Variants in XRRA1 observed in about 807,000 individuals in gnomAD.
XRRA1 encodes the protein X-ray radiation resistance associated 1.
XRRA1 carries 69 observed loss-of-function variants against 80.2 expected under a neutral mutation model. That is an observed-to-expected ratio of 0.86 (90% CI 0.71 to 1.05). The LOEUF (loss-of-function observed/expected upper bound fraction) is 1.05, where lower values mean the gene tolerates loss of function less well. Ranked by LOEUF, XRRA1 falls within the 50% of genes least tolerant of loss-of-function variation. XRRA1 has a pLI of 0.00. For missense variants in XRRA1, 967 were observed against 976.4 expected, an observed-to-expected ratio of 0.99 and a Z score of 0.13; for synonymous variants, 348 against 389.9, an observed-to-expected ratio of 0.89 and a Z score of 1.27.
intron 13 of XRRA1, among the ~76,000 whole-genome samples, chr11:74,851,683 T>C (rs936096751): frequency 1.3e-5 from 2 of 152,138 alleles, no homozygotes; most frequent in Non-Finnish European, 2.9e-5. Context: ...TCATACAGGA[T>C]TTAAAGAATT....
At chr11:74,909,611 T>C (rs1591320276) in intron 8 of XRRA1, among the ~76,000 whole-genome samples, 1 of 152,092 alleles carries the variant, frequency 6.6e-6, no homozygotes, top group East Asian at 1.9e-4. Context: ...AGCCATCAGA[T>C]GGGTGAGAAG....
At position 74,882,792 on chromosome 11, in the gene XRRA1, G is replaced by A. The variant is rs530536425; in HGVS notation, c.1004-19771C>T. Among the ~76,000 whole-genome samples the A allele has an allele frequency of 2.0e-5, 3 of 152,318 alleles. No individual in the cohort carries two copies. In the South Asian group the frequency reaches 6.2e-4, roughly 32 times the overall value. ...CCGTGTGAGGTGTCAGTGTGCCCCT[G>A]CTGGGGGGGTGCCTCCCAGTTAGGC... On this transcript the variant is annotated intron_variant, in intron 10 of 18. Transcript: ENST00000684022.
At chr11:74,884,044 C>G (rs535599350) in intron 10 of XRRA1, among the ~76,000 whole-genome samples, 8 of 152,140 alleles carry the variant, frequency 5.3e-5, no homozygotes, top group South Asian at 4.1e-4. Context: ...ACTAAAAATA[C>G]AAAAATTAGC....
intron 2 of XRRA1, 104 bp downstream of exon 2, chr11:74,944,914 A>T (rs1947187156): frequency 6.6e-6 from 1 of 152,520 alleles, no homozygotes; most frequent in African/African-American, 2.4e-5. Flanking sequence ...GTTAGATGTG[A>T]TGTAATTTGC....
intron 8 of XRRA1, among the ~76,000 whole-genome samples, chr11:74,920,806 G>A (rs1033420546): frequency 1.3e-5 from 2 of 152,200 alleles, no homozygotes; most frequent in Non-Finnish European, 2.9e-5. Context: ...CTGGCACATT[G>A]TAAGTACTAC....
At chr11:74,882,734 G>A (rs965518942) in intron 10 of XRRA1, among the ~76,000 whole-genome samples, 12 of 152,076 alleles carry the variant, frequency 7.9e-5, no homozygotes, top group African/African-American at 2.9e-4. Context: ...TAACAGAGAG[G>A]ACCCTCAGCT....
At chr11:74,925,754 G>A (rs535622294) in intron 7 of XRRA1, among the ~76,000 whole-genome samples, 4 of 152,300 alleles carry the variant, frequency 2.6e-5, no homozygotes, top group African/African-American at 9.6e-5. Context: ...TGTGGGGTCA[G>A]AGCCTATAGT....
At chr11:74,847,948 G>C (rs1398085571) in intron 15 of XRRA1, among the ~76,000 whole-genome samples, 167 bp downstream of exon 15, 1 of 152,208 alleles carries the variant, frequency 6.6e-6, no homozygotes, top group African/African-American at 2.4e-5. Context: ...TCAGACCAGA[G>C]ATCTCCCAGA....
intron 5 of XRRA1, 88 bp downstream of exon 5, chr11:74,933,713 C>G: frequency 8.1e-7 from 1 of 1,228,112 alleles, no homozygotes; most frequent in Non-Finnish European, 1.2e-6. Context: ...CCTAGGGACT[C>G]TGGAGGTGCA....
intron 5 of XRRA1, among the ~76,000 whole-genome samples, chr11:74,931,086 C>T (rs935337950): frequency 1.3e-5 from 2 of 151,646 alleles, no homozygotes; most frequent in East Asian, 2.0e-4. Flanking sequence ...GGATTACAGG[C>T]GTGAGCCACT....
intron 10 of XRRA1, among the ~76,000 whole-genome samples, chr11:74,864,637 C>T (rs2043010229): frequency 6.6e-6 from 1 of 152,250 alleles, no homozygotes; most frequent in African/African-American, 2.4e-5. Context: ...GCAACCAAAA[C>T]CATCTGCAGA....
At chr11:74,873,914 G>A (rs1440389141) in intron 10 of XRRA1, among the ~76,000 whole-genome samples, 1 of 151,940 alleles carries the variant, frequency 6.6e-6, no homozygotes. Flanking sequence ...TTGGTATGGT[G>A]AGATAGTTTA....
Position 74,848,178 on chromosome 11 carries a change from G to T in XRRA1, c.1665C>A (p.Arg555=). Reference sequence around the variant, plus strand: ...CATCTGATGGGCGCTCTGGGCTGAGGCGGACAGTTGTGTCACTCAGGTGGG... The same window carrying T: ...CATCTGATGGGCGCTCTGGGCTGAGTCGGACAGTTGTGTCACTCAGGTGGG... ...TLSHLSDTTV[R]LSPERPSDED... Residue 555 remains arginine, a synonymous_variant, in exon 15 of 19, where the codon CGC becomes CGA. Coordinates refer to ENST00000684022, the MANE Select transcript of XRRA1 (RefSeq NM_001378157.1). The T allele has an allele frequency of 1.2e-6, 2 of 1,613,740 alleles. No homozygotes were observed. Among genetic ancestry groups the T allele is most frequent in the Non-Finnish European group, 8.5e-7 (1 of 1,179,894 alleles).
chr11:74,916,526 CTT>C (rs1481043147), intron 8 of XRRA1, among the ~76,000 whole-genome samples: 4 of 152,044 alleles, frequency 2.6e-5, no homozygotes, highest in African/African-American at 9.7e-5. Flanking sequence ...TTGTCTATCT[CTT>C]TGTTGATATT....
Position 74,906,360 on chromosome 11 carries a change from G to T in XRRA1, c.882C>A (p.Gly294=). 1.2e-6 allele frequency: 2 copies of T among 1,613,968 alleles called. No individual in the cohort carries two copies. Among genetic ancestry groups the T allele is most frequent in the South Asian group, 2.2e-5 (2 of 91,082 alleles). The part of the protein sequence containing the change: ...LYDESVDWNG[G]RGSPHKEPQF... ...GGGGCTCTTTATGGGGACTTCCCCTGCCTCCATTCCAGTCTACTGACTCGT... is the reference window on the plus strand; with the variant it reads ...GGGGCTCTTTATGGGGACTTCCCCTTCCTCCATTCCAGTCTACTGACTCGT... The change falls in exon 10 of 19, where the codon GGC becomes GGA. Residue 294 remains glycine, a synonymous_variant. Transcript: ENST00000684022.
At chr11:74,904,849 A>G (rs2054239624) in intron 10 of XRRA1, among the ~76,000 whole-genome samples, 1 of 151,876 alleles carries the variant, frequency 6.6e-6, no homozygotes, top group African/African-American at 2.4e-5. Context: ...ACCAAGATAA[A>G]AGTCACAAAC....
intron 10 of XRRA1, among the ~76,000 whole-genome samples, chr11:74,903,575 C>T (rs529706703): frequency 8.5e-5 from 13 of 152,080 alleles, no homozygotes; most frequent in Non-Finnish European, 8.8e-5. Flanking sequence ...TGGTGGCGGG[C>T]GCTTGTAGTC....
chr11:74,848,844 C>T (rs768257417), intron 14 of XRRA1, among the ~76,000 whole-genome samples: 3 of 152,214 alleles, frequency 2.0e-5, no homozygotes, highest in Non-Finnish European at 4.4e-5. Flanking sequence ...TCAGTAGTCT[C>T]ATTCTTCAGA....
At chr11:74,873,839 C>G (rs903554388) in intron 10 of XRRA1, among the ~76,000 whole-genome samples, 23 of 152,046 alleles carry the variant, frequency 1.5e-4, no homozygotes, top group Non-Finnish European at 2.8e-4. Flanking sequence ...TCCTCCTTCC[C>G]CCTCCCTAAA....
Sources: allele counts gnomAD v4.1 joint callset (sites outside exome capture counted in the v4.1 genomes callset), GRCh38; gene constraint gnomAD v4.1.1; transcripts MANE v1.5; gene names NCBI Gene and HGNC (gene_info 2026-07-23, HGNC 2026-07-21).